The following ABL2 variants were observed in gnomAD, a reference collection of about 807,000 sequenced individuals.
ABL2 encodes tyrosine-protein kinase ABL2.
In ABL2, 49 loss-of-function variants were observed where a neutral mutation model predicts 107.7. The ratio of observed to expected loss-of-function variants is 0.45; its 90% CI spans 0.36 to 0.58. The LOEUF (loss-of-function observed/expected upper bound fraction) is 0.58. ABL2 is among the 20% of genes least tolerant of loss of function. The pLI is 0.00. For synonymous variants in ABL2, 549 were observed against 548.6 expected (o/e 1.00, Z -0.01); for missense variants, 1,245 against 1,457.0 (o/e 0.85, Z 2.37).
chr1:179,218,576 T>C (rs920036805), intron 1 of ABL2, among the ~76,000 whole-genome samples: 2 of 152,136 alleles, frequency 1.3e-5, no homozygotes, highest in Admixed American at 6.5e-5. Flanking sequence ...TTTGTATCTT[T>C]AGTAGAGATG....
intron 1 of ABL2, among the ~76,000 whole-genome samples, chr1:179,162,008 C>T (rs1249936139): frequency 6.6e-6 from 1 of 152,108 alleles, no homozygotes; most frequent in Non-Finnish European, 1.5e-5. Context: ...GATGCCGGCC[C>T]GTTGATCTTG....
At chr1:179,147,077 TAA>T (rs1467853420) in intron 1 of ABL2, among the ~76,000 whole-genome samples, 4 of 137,164 alleles carry the variant, frequency 2.9e-5, no homozygotes, top group African/African-American at 1.1e-4. Flanking sequence ...AAAAAAAATT[TAA>T]AAAGTAGGCT....
chr1:179,198,338 TGCTATTCTTGC>T (rs1661446235), intron 1 of ABL2, among the ~76,000 whole-genome samples: 1 of 152,126 alleles, frequency 6.6e-6, no homozygotes, highest in Admixed American at 6.6e-5. Flanking sequence ...GAGTTGTTTG[TGCTATTCTTGC>T]AACTTTTCTG....
At chr1:179,202,273 A>T (rs936970094) in intron 1 of ABL2, among the ~76,000 whole-genome samples, 4 of 152,210 alleles carry the variant, frequency 2.6e-5, no homozygotes, top group Non-Finnish European at 5.9e-5. Context: ...AAATTTCCAG[A>T]TTAGCTGCTA....
chr1:179,205,501 T>C (rs1004466888), intron 1 of ABL2, among the ~76,000 whole-genome samples: 24 of 152,334 alleles, frequency 1.6e-4, no homozygotes, highest in Middle Eastern at 3.4e-3. Flanking sequence ...ACTTGACTCA[T>C]TACTCTGTTT....
intron 1 of ABL2, among the ~76,000 whole-genome samples, chr1:179,148,039 CTTTT>C (rs1393464807): frequency 1.5e-5 from 2 of 131,042 alleles, no homozygotes; most frequent in Non-Finnish European, 1.6e-5. Context: ...CTTTTCTTTT[CTTTT>C]TTTTTTTTTT....
chr1:179,141,247 C>T (rs1279568989), intron 1 of ABL2, among the ~76,000 whole-genome samples: 1 of 151,450 alleles, frequency 6.6e-6, no homozygotes, highest in East Asian at 1.9e-4. Flanking sequence ...GCCAAGATCA[C>T]ACCATTGTAC....
chr1:179,134,338 A>C (rs927865968), intron 1 of ABL2, among the ~76,000 whole-genome samples: 2 of 152,116 alleles, frequency 1.3e-5, no homozygotes, highest in Non-Finnish European at 2.9e-5. Flanking sequence ...CTGAGGTCAG[A>C]AGTTTGAGAC....
At chr1:179,124,114 G>A (rs1242391307) in intron 4 of ABL2, among the ~76,000 whole-genome samples, 2 of 151,866 alleles carry the variant, frequency 1.3e-5, no homozygotes, top group African/African-American at 2.4e-5. Context: ...GGTGGTGGGC[G>A]CCTGTAGTCC....
intron 1 of ABL2, among the ~76,000 whole-genome samples, chr1:179,177,247 A>G (rs1041169845): frequency 1.3e-5 from 2 of 152,226 alleles, no homozygotes; most frequent in East Asian, 1.9e-4. Flanking sequence ...CACTGTCAAG[A>G]CCACTGAACC....
rs182930485 is a variant in ABL2, at chr1:179,224,542, T to G, written c.157+4699A>C. Among the ~76,000 whole-genome samples the G allele has an allele frequency of 4.0e-3, 607 of 151,656 alleles. 5 individuals carry two copies. Among genetic ancestry groups the G allele is most frequent in the African/African-American group, 0.014 (565 of 41,398 alleles). On this transcript the variant is annotated intron_variant, in intron 1 of 11. Transcript: ENST00000502732. ...CGTCGGCCTCCCAAAGTGCTGGGAT[T>G]ATAGGTGTGAGCCACCACGCCCAGC...
intron 1 of ABL2, among the ~76,000 whole-genome samples, chr1:179,174,952 G>T (rs963358859): frequency 6.7e-6 from 1 of 149,086 alleles, no homozygotes; most frequent in African/African-American, 2.5e-5. Context: ...AATTCTATTG[G>T]TTCTAAGCAA....
chr1:179,179,639 G>C (rs1005259177), intron 1 of ABL2, among the ~76,000 whole-genome samples: 1 of 152,024 alleles, frequency 6.6e-6, no homozygotes, highest in Non-Finnish European at 1.5e-5. Flanking sequence ...TGGTATCATA[G>C]AGCAAGAGTG....
intron 1 of ABL2, among the ~76,000 whole-genome samples, chr1:179,219,460 A>G (rs543965839): frequency 6.6e-6 from 1 of 152,362 alleles, no homozygotes; most frequent in African/African-American, 2.4e-5. Context: ...GTCATTTAAA[A>G]AAGTCATTAA....
rs1405491090 is a variant in ABL2 at position 179,229,627 on chromosome 1, C to A, written c.-230G>T. ...CCCTCCTCCTGTCGCGGCTCCGCGC[C>A]CCCAACGCCGCCGCCGCCGCCGCCG... On this transcript the variant is annotated 5_prime_UTR_variant, in exon 1 of 12. Transcript: ENST00000502732. 18 of 523,596 alleles carry A rather than the reference C, an allele frequency of 3.4e-5. No homozygotes were observed. The highest frequency in any genetic ancestry group is 5.2e-5 in the Non-Finnish European group (16 of 309,934). The allele number at this position is 523,596 out of a possible 1,614,324, so 32.4% of individuals were successfully genotyped here.
At chr1:179,218,211 C>T (rs1179865962) in intron 1 of ABL2, among the ~76,000 whole-genome samples, 1 of 152,070 alleles carries the variant, frequency 6.6e-6, no homozygotes, top group Non-Finnish European at 1.5e-5. Context: ...AAAAATGTGT[C>T]TCTCAAGAGA....
chr1:179,101,996 C>CTTTTTTTTTTTTTTTTTTTTTTTTTTTTT lies in ABL2; in HGVS notation c.*5693_*5721dup, dbSNP rs869095809. The CTTTTTTTTTTTTTTTTTTTTTTTTTTTTT allele has an allele frequency of 1.9e-5, 1 of 53,886 alleles. No homozygotes were observed. Among genetic ancestry groups the CTTTTTTTTTTTTTTTTTTTTTTTTTTTTT allele is most frequent in the East Asian group, 8.3e-4 (1 of 1,212 alleles). 3.3% of individuals were successfully genotyped at this position (53,886 alleles called of 1,614,324 possible). ...AAAAGCAAGCTTTGCATTAGAATTTCTTTTTTTTTTTTTTTTTTTTTTTTT... is the reference window on the plus strand; with the variant it reads ...AAAAGCAAGCTTTGCATTAGAATTTCTTTTTTTTTTTTTTTTTTTTTTTTTTTTTTTTTTTTTTTTTTTTTTTTTTTTTT... On this transcript the variant is annotated 3_prime_UTR_variant, in exon 12 of 12. Coordinates refer to ENST00000502732, the MANE Select transcript of ABL2 (RefSeq NM_007314.4).
rs761831843 is a variant in ABL2, at chr1:179,112,342, C to T, written c.1618G>A (p.Glu540Lys). 1 of 1,613,854 alleles carries T rather than the reference C, an allele frequency of 6.2e-7. No individual in the cohort carries two copies. Among genetic ancestry groups the T allele is most frequent in the Non-Finnish European group, 8.5e-7 (1 of 1,179,814 alleles). ...ATGCTGGAGTCATGGAACATGGTTT[C>T]AAAAGCTTGGTGTGTTTCAGCAAAA... ...PSFAETHQAF[E>K]TMFHDSSISE... is the part of the protein sequence containing the mutation. The change falls in exon 10 of 12, where the codon GAA (glutamate) becomes AAA (lysine). Residue 540 changes from glutamate to lysine, a missense_variant. By Grantham distance (56) the Glu-to-Lys change is moderately conservative. Transcript: ENST00000502732.
intron 1 of ABL2, among the ~76,000 whole-genome samples, chr1:179,189,796 C>T (rs949489985): frequency 6.6e-6 from 1 of 151,832 alleles, no homozygotes; most frequent in South Asian, 2.1e-4. Context: ...GAGACAGAAG[C>T]GCACAAGCTG....
Sources: gnomAD v4.1 joint callset for allele counts (sites outside exome capture counted in the v4.1 genomes callset) on GRCh38, gnomAD v4.1.1 for gene constraint, MANE v1.5 for transcripts, NCBI Gene and HGNC (gene_info 2026-07-23, HGNC 2026-07-21) for gene names.